Variants in PIGK observed in about 807,000 individuals in gnomAD.
PIGK encodes the protein phosphatidylinositol glycan anchor biosynthesis class K, also known as GPI-anchor transamidase.
Under a neutral mutation model 50.6 loss-of-function variants are expected in PIGK, and 42 were observed. That is an observed-to-expected ratio of 0.83 (90% CI 0.65 to 1.07). PIGK has a LOEUF of 1.07. PIGK is among the 50% of genes least tolerant of loss of function. The pLI, the probability that PIGK is intolerant of heterozygous loss-of-function variation, is 0.00. For synonymous variants in PIGK, 151 were observed against 156.0 expected (o/e 0.97, Z 0.24); for missense variants, 448 against 488.7 (o/e 0.92, Z 0.78).
intron 8 of PIGK, among the ~76,000 whole-genome samples, chr1:77,160,026 G>C (rs1286266908): frequency 6.6e-6 from 1 of 152,168 alleles, no homozygotes. Context: ...ATCTTGAATT[G>C]TAGCTCCCAT....
chr1:77,173,294 C>G (rs1405004687), intron 3 of PIGK, among the ~76,000 whole-genome samples: 3 of 152,208 alleles, frequency 2.0e-5, no homozygotes, highest in Non-Finnish European at 4.4e-5. Context: ...GCAGAAACTT[C>G]TAAAAAGATT....
chr1:77,161,544 T>C (rs2100555669), intron 7 of PIGK, 50 bp downstream of exon 7: 1 of 980,626 alleles, frequency 1.0e-6, no homozygotes, highest in Middle Eastern at 2.0e-4. Context: ...GTTTCAGAAA[T>C]AGCTGCACAT....
chr1:77,216,637 G>GT (rs1214523354), intron 1 of PIGK, among the ~76,000 whole-genome samples: 25 of 151,918 alleles, frequency 1.6e-4, no homozygotes, highest in Non-Finnish European at 2.6e-4. Context: ...GTGTGTGGGG[G>GT]GGTGTGTGTG....
intron 9 of PIGK, among the ~76,000 whole-genome samples, chr1:77,144,074 T>C (rs569375894): frequency 1.6e-4 from 24 of 152,168 alleles, no homozygotes; most frequent in Admixed American, 3.9e-4. Flanking sequence ...CAAGGTTACA[T>C]AGCTAGTAAA....
At chr1:77,188,004 C>T (rs2100573492) in intron 3 of PIGK, among the ~76,000 whole-genome samples, 1 of 152,344 alleles carries the variant, frequency 6.6e-6, no homozygotes, top group South Asian at 2.1e-4. Flanking sequence ...TCTGTCTTTA[C>T]TTTAATCTCT....
At chr1:77,126,108 T>C (rs1654224407) in intron 9 of PIGK, among the ~76,000 whole-genome samples, 1 of 152,230 alleles carries the variant, frequency 6.6e-6, no homozygotes, top group Non-Finnish European at 1.5e-5. Context: ...ATTCATGGTG[T>C]CCTTTCATAA....
intron 1 of PIGK, among the ~76,000 whole-genome samples, chr1:77,214,498 A>G (rs1365013556): frequency 6.6e-6 from 1 of 152,106 alleles, no homozygotes; most frequent in African/African-American, 2.4e-5. Context: ...TAGAAGGAAC[A>G]CACCTAAACA....
At chr1:77,194,321 T>C (rs1655979901) in intron 3 of PIGK, among the ~76,000 whole-genome samples, 2 of 152,100 alleles carry the variant, frequency 1.3e-5, no homozygotes, top group Non-Finnish European at 2.9e-5. Flanking sequence ...TCCCACTGGG[T>C]ACATATTCAA....
chr1:77,113,597 A>G (rs1326041229), intron 10 of PIGK, among the ~76,000 whole-genome samples: 5 of 152,108 alleles, frequency 3.3e-5, no homozygotes, highest in Admixed American at 3.3e-4. Context: ...AGTACAGGCA[A>G]TCTTCAACCA....
At chr1:77,174,862 TA>T (rs148563387) in intron 3 of PIGK, among the ~76,000 whole-genome samples, 16,810 of 152,174 alleles carry the variant, frequency 0.11, 1,135 homozygotes, top group East Asian at 0.22. Flanking sequence ...CTAAAGCCAG[TA>T]ATCCGATTAA....
intron 9 of PIGK, among the ~76,000 whole-genome samples, chr1:77,138,989 C>G (rs1654584338): frequency 6.6e-6 from 1 of 152,126 alleles, no homozygotes; most frequent in Admixed American, 6.5e-5. Context: ...TCCTCATTTT[C>G]TTCCCCTCAG....
intron 3 of PIGK, among the ~76,000 whole-genome samples, chr1:77,205,228 A>G (rs1656261968): frequency 6.6e-6 from 1 of 152,090 alleles, no homozygotes; most frequent in African/African-American, 2.4e-5. Flanking sequence ...GAGTATATCC[A>G]GTATAGACGC....
chr1:77,176,426 T>C (rs562583528), intron 3 of PIGK, among the ~76,000 whole-genome samples: 1 of 152,340 alleles, frequency 6.6e-6, no homozygotes, highest in South Asian at 2.1e-4. Flanking sequence ...CAATATTGCA[T>C]GGGATTTCTA....
chr1:77,111,392 T>TG (rs1435544698), intron 10 of PIGK, among the ~76,000 whole-genome samples: 1 of 151,860 alleles, frequency 6.6e-6, no homozygotes, highest in Non-Finnish European at 1.5e-5. Flanking sequence ...ATTAAGAAAA[T>TG]GTGGCACATA....
At chr1:77,136,304 C>A (rs1003505226) in intron 9 of PIGK, among the ~76,000 whole-genome samples, 4 of 151,724 alleles carry the variant, frequency 2.6e-5, no homozygotes, top group African/African-American at 9.7e-5. Context: ...CCGAGGCGGG[C>A]GGATCACGAG....
chr1:77,180,484 C>A (rs922441416), intron 3 of PIGK, among the ~76,000 whole-genome samples: 1 of 152,066 alleles, frequency 6.6e-6, no homozygotes, highest in Non-Finnish European at 1.5e-5. Context: ...GAAGTGTGAA[C>A]CCCCAAAATA....
intron 8 of PIGK, among the ~76,000 whole-genome samples, chr1:77,156,372 T>C (rs1433350725): frequency 6.6e-6 from 1 of 152,208 alleles, no homozygotes; most frequent in Non-Finnish European, 1.5e-5. Context: ...CTTTTAAGAA[T>C]TTTTATCATA....
chr1:77,173,078 T>C (rs1001233874), intron 3 of PIGK, among the ~76,000 whole-genome samples: 10 of 152,132 alleles, frequency 6.6e-5, no homozygotes, highest in African/African-American at 2.4e-4. Context: ...AAAAATGAGA[T>C]TCTTAATTTC....
chr1:77,204,974 C>T (rs1374270624), intron 3 of PIGK, among the ~76,000 whole-genome samples: 1 of 152,140 alleles, frequency 6.6e-6, no homozygotes, highest in East Asian at 1.9e-4. Flanking sequence ...TTCATAAACA[C>T]AGTTATAGAT....
Sources: allele counts gnomAD v4.1 joint callset (sites outside exome capture counted in the v4.1 genomes callset), GRCh38; gene constraint gnomAD v4.1.1; transcripts MANE v1.5; gene names NCBI Gene and HGNC (gene_info 2026-07-23, HGNC 2026-07-21).